PDE4D: variants seen among roughly 807,000 people sequenced by gnomAD.
PDE4D encodes phosphodiesterase 4D, also known as 3',5'-cyclic-AMP phosphodiesterase 4D.
Under a neutral mutation model 87.4 loss-of-function variants are expected in PDE4D, and 24 were observed. That is an observed-to-expected ratio of 0.27 (90% CI 0.20 to 0.39). PDE4D has a LOEUF of 0.39. Ranked by LOEUF, PDE4D falls within the 10% of genes least tolerant of loss-of-function variation. PDE4D has a pLI of 1.00. For synonymous variants in PDE4D, 384 were observed against 383.2 expected, an observed-to-expected ratio of 1.00 and a Z score of -0.02; for missense variants, 714 against 1,041.0, an observed-to-expected ratio of 0.69 and a Z score of 4.32.
intron 1 of PDE4D, among the ~76,000 whole-genome samples, chr5:59,815,923 G>C (rs1268055840): frequency 3.9e-5 from 6 of 152,170 alleles, no homozygotes; most frequent in African/African-American, 1.4e-4. Flanking sequence ...TGTAAAAATT[G>C]TGAATATTGT....
chr5:60,433,056 C>A (rs1744481059), intron 1 of PDE4D, among the ~76,000 whole-genome samples: 1 of 152,038 alleles, frequency 6.6e-6, no homozygotes, highest in Non-Finnish European at 1.5e-5. Context: ...AAAGCAATTG[C>A]AACAAAAACA....
At chr5:58,995,368 A>G (rs930012107) in intron 6 of PDE4D, among the ~76,000 whole-genome samples, 2 of 152,216 alleles carry the variant, frequency 1.3e-5, no homozygotes, top group Admixed American at 1.3e-4. Context: ...GGTATACAGA[A>G]CATAGGTTAC....
chr5:60,056,476 C>T (rs920426636), intron 2 of PDE4D, among the ~76,000 whole-genome samples: 4 of 151,852 alleles, frequency 2.6e-5, no homozygotes, highest in African/African-American at 2.4e-5. Context: ...TAGATTTCCC[C>T]GCAAATTTAA....
At chr5:59,035,868 T>A (rs1333939503) in intron 6 of PDE4D, among the ~76,000 whole-genome samples, 1 of 152,174 alleles carries the variant, frequency 6.6e-6, no homozygotes, top group Non-Finnish European at 1.5e-5. Context: ...TAAGGGTAAA[T>A]GCCATAGATT....
At chr5:59,543,561 AG>A (rs2153684882) in intron 1 of PDE4D, among the ~76,000 whole-genome samples, 1 of 152,338 alleles carries the variant, frequency 6.6e-6, no homozygotes, top group East Asian at 1.9e-4. Flanking sequence ...AAAGGAATCC[AG>A]GACAGGTTTA....
At chr5:58,985,675 G>T (rs981924265) in intron 11 of PDE4D, among the ~76,000 whole-genome samples, 1 of 152,206 alleles carries the variant, frequency 6.6e-6, no homozygotes, top group Non-Finnish European at 1.5e-5. Context: ...GCTTTGGACA[G>T]GATGGCAGCT....
intron 1 of PDE4D, among the ~76,000 whole-genome samples, chr5:59,882,102 G>C (rs71627973): frequency 0.057 from 8,638 of 152,256 alleles, 317 homozygotes; most frequent in African/African-American, 0.1. Context: ...CAGTTTCTGA[G>C]TTAATATAAG....
At chr5:60,060,614 T>C (rs1771287652) in intron 2 of PDE4D, among the ~76,000 whole-genome samples, 1 of 152,116 alleles carries the variant, frequency 6.6e-6, no homozygotes, top group African/African-American at 2.4e-5. Context: ...GTTCCTTCAC[T>C]ACAGCAAATA....
chr5:60,389,793 GA>G (rs1762443224), intron 1 of PDE4D, among the ~76,000 whole-genome samples: 1 of 152,116 alleles, frequency 6.6e-6, no homozygotes, highest in South Asian at 2.1e-4. Context: ...ACCCATTTCT[GA>G]AGGTCTGCAC....
intron 1 of PDE4D, among the ~76,000 whole-genome samples, chr5:59,358,324 T>A (rs1439023604): frequency 1.3e-5 from 2 of 152,126 alleles, no homozygotes; most frequent in Non-Finnish European, 2.9e-5. Context: ...AGTTCAAAAA[T>A]AAACACAACA....
At chr5:59,758,410 C>A (rs547809414) in intron 1 of PDE4D, among the ~76,000 whole-genome samples, 1 of 152,234 alleles carries the variant, frequency 6.6e-6, no homozygotes, top group South Asian at 2.1e-4. Flanking sequence ...AAAATGAAAT[C>A]ATGTAATTTC....
intron 2 of PDE4D, among the ~76,000 whole-genome samples, chr5:60,005,808 CTGTAAGA>C (rs1366163822): frequency 4.6e-5 from 6 of 130,168 alleles, no homozygotes; most frequent in African/African-American, 1.2e-4. Context: ...ATGAGAAACT[CTGTAAGA>C]TGTATGACCC....
intron 1 of PDE4D, among the ~76,000 whole-genome samples, chr5:60,409,116 G>A (rs550837807): frequency 6.6e-6 from 1 of 152,216 alleles, no homozygotes; most frequent in South Asian, 2.1e-4. Flanking sequence ...ATGCAGAAAA[G>A]AAAAGAAAAA....
intron 1 of PDE4D, among the ~76,000 whole-genome samples, chr5:59,794,137 G>GCGCA (rs1008480333): frequency 1.4e-5 from 2 of 144,956 alleles, no homozygotes; most frequent in African/African-American, 5.2e-5. Context: ...ACACAGAGGC[G>GCGCA]CACACACACA....
At chr5:60,467,991 G>A (rs1747493457) in intron 1 of PDE4D, among the ~76,000 whole-genome samples, 1 of 152,140 alleles carries the variant, frequency 6.6e-6, no homozygotes, top group African/African-American at 2.4e-5. Context: ...TGGGAACCCA[G>A]AGCCAAACCA....
At chr5:59,452,665 A>G (rs1379458619) in intron 1 of PDE4D, among the ~76,000 whole-genome samples, 3 of 152,196 alleles carry the variant, frequency 2.0e-5, no homozygotes, top group Non-Finnish European at 4.4e-5. Flanking sequence ...CATCTATCTA[A>G]CAAAGGACAT....
intron 1 of PDE4D, among the ~76,000 whole-genome samples, chr5:59,678,478 G>A (rs1306766506): frequency 6.6e-6 from 1 of 151,848 alleles, no homozygotes; most frequent in Non-Finnish European, 1.5e-5. Context: ...TTTTTTGTTT[G>A]TTTTTGAGAT....
chr5:60,265,229 C>G (rs948783119), intron 1 of PDE4D, among the ~76,000 whole-genome samples: 2 of 152,178 alleles, frequency 1.3e-5, no homozygotes, highest in African/African-American at 4.8e-5. Context: ...ATGCACCCCA[C>G]ACAGGCCACA....
chr5:59,492,168 G>T (rs1012826024), intron 1 of PDE4D, among the ~76,000 whole-genome samples: 2 of 152,038 alleles, frequency 1.3e-5, no homozygotes, highest in Non-Finnish European at 2.9e-5. Context: ...TTTCTTCCTT[G>T]AATGCCCATG....
Sources: gnomAD v4.1 joint callset for allele counts (sites outside exome capture counted in the v4.1 genomes callset) on GRCh38, gnomAD v4.1.1 for gene constraint, MANE v1.5 for transcripts, NCBI Gene and HGNC (gene_info 2026-07-23, HGNC 2026-07-21) for gene names.